The following SGMS1 variants were observed in gnomAD, a reference collection of about 807,000 sequenced individuals.
The protein encoded by SGMS1 is phosphatidylcholine:ceramide cholinephosphotransferase 1.
Under a neutral mutation model 46.2 loss-of-function variants are expected in SGMS1, and 13 were observed. The observed-to-expected ratio is 0.28, with a 90% CI of 0.18 to 0.45. The LOEUF is 0.45. SGMS1 is among the 20% of genes least tolerant of loss of function. The pLI, the probability that SGMS1 is intolerant of heterozygous loss-of-function variation, is 1.00. For missense variants in SGMS1, 324 were observed against 519.9 expected, an observed-to-expected ratio of 0.62 and a Z score of 3.66; for synonymous variants, 203 against 187.8, an observed-to-expected ratio of 1.08 and a Z score of -0.66.
chr10:50,415,703 T>A (rs1394497264), intron 6 of SGMS1, among the ~76,000 whole-genome samples: 2 of 152,192 alleles, frequency 1.3e-5, no homozygotes, highest in Non-Finnish European at 2.9e-5. Flanking sequence ...CAGAAATGGA[T>A]GCTCTGATCA....
At chr10:50,317,934 G>T (rs753716326) in intron 8 of SGMS1, among the ~76,000 whole-genome samples, 2 of 151,600 alleles carry the variant, frequency 1.3e-5, no homozygotes, top group African/African-American at 2.4e-5. Flanking sequence ...CTCCCAAGTA[G>T]CTGGGATTAT....
At chr10:50,384,375 CTCTT>C (rs746491124) in intron 6 of SGMS1, among the ~76,000 whole-genome samples, 77 of 150,816 alleles carry the variant, frequency 5.1e-4, no homozygotes, top group African/African-American at 1.1e-3. Flanking sequence ...CTTTCTTTCT[CTCTT>C]TCTTTTTCTC....
rs751133009 is a variant in SGMS1, at chr10:50,307,547, T to C, written c.1063-226A>G. Among the ~76,000 whole-genome samples the C allele has an allele frequency of 6.6e-6, 1 of 152,200 alleles. No homozygotes were observed. The highest frequency in any genetic ancestry group is 1.5e-5 in the Non-Finnish European group (1 of 68,048). On this transcript the variant is annotated intron_variant, in intron 10 of 10. Coordinates refer to ENST00000361781, the MANE Select transcript of SGMS1 (RefSeq NM_147156.4). The surrounding 1 kb of genome is among the most constrained non-coding windows in gnomAD (Gnocchi z 4.2). Reference sequence around the variant, plus strand: ...ATTCTGGGAGGGCAAGGAGAACTTATGGCTCACTCATCTCTTGCTTATAAA... The same window carrying C: ...ATTCTGGGAGGGCAAGGAGAACTTACGGCTCACTCATCTCTTGCTTATAAA...
At chr10:50,582,537 T>C (rs1008690982) in intron 2 of SGMS1, among the ~76,000 whole-genome samples, 3 of 152,168 alleles carry the variant, frequency 2.0e-5, no homozygotes, top group Non-Finnish European at 2.9e-5. Context: ...AAAAGCTTTG[T>C]CTCCTCTGAA....
chr10:50,571,533 C>T (rs2131858548), intron 2 of SGMS1, among the ~76,000 whole-genome samples: 1 of 152,164 alleles, frequency 6.6e-6, no homozygotes, highest in East Asian at 1.9e-4. Flanking sequence ...ACATAGTGTC[C>T]AGCACATCAC....
chr10:50,317,805 T>TC (rs1288936127), intron 8 of SGMS1, among the ~76,000 whole-genome samples: 29 of 149,766 alleles, frequency 1.9e-4, no homozygotes, highest in South Asian at 1.9e-3. Flanking sequence ...TTTCTTTCTT[T>TC]TTTTTTTTTT....
intron 6 of SGMS1, among the ~76,000 whole-genome samples, chr10:50,417,637 C>T (rs1849192055): frequency 6.6e-6 from 1 of 152,140 alleles, no homozygotes; most frequent in African/African-American, 2.4e-5. Context: ...AAAGGAGTTG[C>T]CAAAAGGGCT....
intron 6 of SGMS1, among the ~76,000 whole-genome samples, chr10:50,381,789 C>T (rs554818367): frequency 6.6e-6 from 1 of 152,308 alleles, no homozygotes; most frequent in Admixed American, 6.5e-5. Context: ...GCCTATGTAG[C>T]AGGTCAGCCT....
In SGMS1 at chr10:50,547,622, G is replaced by A. The variant is rs539086410; in HGVS notation, c.-588-27701C>T. 1.1e-3 allele frequency among the ~76,000 whole-genome samples: 164 copies of A among 152,258 alleles called. 1 individual carries two copies. Among genetic ancestry groups the A allele is most frequent in the African/African-American group, 3.9e-3 (161 of 41,550 alleles). On this transcript the variant is annotated intron_variant, in intron 2 of 10. Transcript: ENST00000361781. ...TGAATTCTACCAGATATACAAAGAAGAGCTGGTACTATTTCTACTGAAACT... is the reference window on the plus strand; with the variant it reads ...TGAATTCTACCAGATATACAAAGAAAAGCTGGTACTATTTCTACTGAAACT...
At chr10:50,502,481 T>C (rs1019931227) in intron 3 of SGMS1, among the ~76,000 whole-genome samples, 156 of 152,246 alleles carry the variant, frequency 1.0e-3, no homozygotes, top group African/African-American at 3.5e-3. Context: ...CTTACCAGCA[T>C]GCTGACCCTA....
rs143853898 is a variant in SGMS1 at position 50,473,353 on chromosome 10, T to C, written c.-497-6421A>G. Among the ~76,000 whole-genome samples, 516 of 152,344 alleles carry C rather than the reference T, an allele frequency of 3.4e-3. 3 individuals carry two copies. Among genetic ancestry groups the C allele is most frequent in the African/African-American group, 0.012 (496 of 41,582 alleles). The stretch of plus-strand genomic sequence containing the variant: ...TTGCCTTTTGAACCTGGATTCTTTT[T>C]AGATATGGAGAATAAATATCTATTG... On this transcript the variant is annotated intron_variant, in intron 3 of 10. Coordinates refer to ENST00000361781, the MANE Select transcript of SGMS1 (RefSeq NM_147156.4).
intron 2 of SGMS1, among the ~76,000 whole-genome samples, chr10:50,580,988 C>A (rs192901377): frequency 1.3e-5 from 2 of 152,302 alleles, no homozygotes; most frequent in African/African-American, 4.8e-5. Flanking sequence ...GATCACCACA[C>A]CCCACCCCCA....
intron 4 of SGMS1, among the ~76,000 whole-genome samples, chr10:50,464,987 C>T (rs1010586094): frequency 2.6e-5 from 4 of 152,150 alleles, no homozygotes; most frequent in Admixed American, 6.5e-5. Context: ...AAGGCTGAAA[C>T]GAAAGCATTG....
chr10:50,526,840 G>A (rs1182003085), intron 2 of SGMS1, among the ~76,000 whole-genome samples: 1 of 152,044 alleles, frequency 6.6e-6, no homozygotes, highest in African/African-American at 2.4e-5. Flanking sequence ...GCCATGGCAG[G>A]TGGATCACGA....
chr10:50,321,241 C>T (rs751398022), intron 8 of SGMS1, among the ~76,000 whole-genome samples: 2 of 152,122 alleles, frequency 1.3e-5, no homozygotes, highest in Admixed American at 6.5e-5. Flanking sequence ...AATGCATAGA[C>T]AGCACCATCA....
chr10:50,585,085 C>T (rs1369327511), intron 2 of SGMS1, among the ~76,000 whole-genome samples: 1 of 152,154 alleles, frequency 6.6e-6, no homozygotes, highest in African/African-American at 2.4e-5. Flanking sequence ...AAAAATACTT[C>T]TATATTTTCT....
At chr10:50,319,459 C>T (rs1847404635) in intron 8 of SGMS1, among the ~76,000 whole-genome samples, 1 of 152,184 alleles carries the variant, frequency 6.6e-6, no homozygotes, top group Admixed American at 6.5e-5. Context: ...CATATTCAAA[C>T]TACTCGATAG....
chr10:50,620,495 A>C (rs1183323336), intron 1 of SGMS1, among the ~76,000 whole-genome samples: 1 of 152,252 alleles, frequency 6.6e-6, no homozygotes, highest in African/African-American at 2.4e-5. Flanking sequence ...AAGTGGTGGG[A>C]AAGTGTATAT....
chr10:50,574,198 G>A (rs1207851355), intron 2 of SGMS1, among the ~76,000 whole-genome samples: 3 of 152,066 alleles, frequency 2.0e-5, no homozygotes, highest in Non-Finnish European at 2.9e-5. Flanking sequence ...AGAATCAACG[G>A]AGTGAAAAGG....
Sources: gnomAD v4.1 joint callset for allele counts (sites outside exome capture counted in the v4.1 genomes callset) on GRCh38, gnomAD v4.1.1 for gene constraint, Gnocchi (gnomAD v3.1) non-coding constraint, MANE v1.5 for transcripts, NCBI Gene and HGNC (gene_info 2026-07-23, HGNC 2026-07-21) for gene names.